SPAG16: variants seen among roughly 807,000 people sequenced by gnomAD.
SPAG16 encodes the protein sperm-associated antigen 16 protein.
Under a neutral mutation model 80.4 loss-of-function variants are expected in SPAG16, and 86 were observed. The ratio of observed to expected loss-of-function variants is 1.07; its 90% CI spans 0.90 to 1.28. The LOEUF (loss-of-function observed/expected upper bound fraction) is 1.28. Among genes scored for constraint, SPAG16 ranks in the 50% most tolerant of loss-of-function variants. The pLI is 0.00. For synonymous variants in SPAG16, 294 were observed against 265.9 expected (o/e 1.11, Z -1.03); for missense variants, 870 against 765.3 (o/e 1.14, Z -1.61).
intron 5 of SPAG16, among the ~76,000 whole-genome samples, chr2:213,321,205 T>C (rs1439230284): frequency 2.0e-5 from 3 of 152,110 alleles, no homozygotes; most frequent in South Asian, 4.1e-4. Flanking sequence ...ATTATACTAA[T>C]AGCATTTAGT....
At chr2:214,077,323 A>ATTCTTCTACAGGCAGGCTTCATTTG (rs2051129777) in intron 13 of SPAG16, among the ~76,000 whole-genome samples, 2 of 152,144 alleles carry the variant, frequency 1.3e-5, no homozygotes, top group East Asian at 3.9e-4. Context: ...TATCTTCTTT[A>ATTCTTCTACAGGCAGGCTTCATTTG]TTCTTCTACA....
intron 15 of SPAG16, among the ~76,000 whole-genome samples, chr2:214,402,166 A>C (rs1701746821): frequency 6.6e-6 from 1 of 152,048 alleles, no homozygotes; most frequent in South Asian, 2.1e-4. Flanking sequence ...TATTTCTGTC[A>C]ACATTATTTA....
intron 15 of SPAG16, among the ~76,000 whole-genome samples, chr2:214,326,806 G>A (rs1030777229): frequency 1.3e-5 from 2 of 151,846 alleles, no homozygotes; most frequent in African/African-American, 4.8e-5. Context: ...TTACCCGGGC[G>A]TGGTGGCGGG....
intron 10 of SPAG16, among the ~76,000 whole-genome samples, chr2:213,542,508 T>G (rs982463549): frequency 1.3e-5 from 2 of 152,150 alleles, no homozygotes; most frequent in African/African-American, 4.8e-5. Context: ...AGTAAGCCAT[T>G]GCATTACCAC....
At chr2:213,763,228 CA>C (rs35301802) in intron 10 of SPAG16, among the ~76,000 whole-genome samples, 44,322 of 151,790 alleles carry the variant, frequency 0.29, 6,516 homozygotes, top group Middle Eastern at 0.41. Flanking sequence ...GGAGGTTCCT[CA>C]AAAAAATCAA....
Position 214,129,746 on chromosome 2 carries a change from G to C in SPAG16, c.1594-19394G>C, listed in dbSNP as rs530211924. Among the ~76,000 whole-genome samples the C allele has an allele frequency of 7.9e-5, 12 of 151,956 alleles. No homozygotes were observed. The South Asian group carries it at 2.5e-3, about 32-fold the overall frequency. On this transcript the variant is annotated intron_variant, in intron 14 of 15. Transcript: ENST00000331683. ...TCTATTCCATGGAATACTTTGATCT[G>C]GACAACTTTTATATTATCTTTCAGA...
intron 10 of SPAG16, among the ~76,000 whole-genome samples, chr2:213,675,768 A>C (rs1229725795): frequency 8.9e-4 from 136 of 152,168 alleles, no homozygotes; most frequent in Middle Eastern, 3.4e-3. Flanking sequence ...TACCAGTACC[A>C]TGCTGTTTTG....
intron 10 of SPAG16, among the ~76,000 whole-genome samples, chr2:213,713,472 A>G (rs1006571282): frequency 1.3e-5 from 2 of 152,206 alleles, no homozygotes; most frequent in Non-Finnish European, 2.9e-5. Context: ...ACTTCTTAGG[A>G]ATAACAAATG....
At chr2:214,262,048 T>C (rs1243473363) in intron 15 of SPAG16, among the ~76,000 whole-genome samples, 1 of 152,160 alleles carries the variant, frequency 6.6e-6, no homozygotes, top group East Asian at 1.9e-4. Flanking sequence ...ATCTAAATAT[T>C]AGACATTTAC....
rs184348053 is a variant in SPAG16 at position 214,084,934 on chromosome 2, T to C, written c.1528-23262T>C. Among the ~76,000 whole-genome samples the C allele has an allele frequency of 2.5e-3, 387 of 152,294 alleles. 2 individuals are homozygous for C. The highest frequency in any genetic ancestry group is 6.8e-3 in the Middle Eastern group (2 of 294). On this transcript the variant is annotated intron_variant, in intron 13 of 15. Coordinates refer to ENST00000331683, the MANE Select transcript of SPAG16 (RefSeq NM_024532.5). ...AGAAGACTGACAAGTAAACAAAGTA[T>C]GTGGTAAGTGCTGTTTTAGAGGTAG...
At chr2:213,820,562 T>C (rs964255933) in intron 10 of SPAG16, among the ~76,000 whole-genome samples, 2 of 152,130 alleles carry the variant, frequency 1.3e-5, no homozygotes, top group African/African-American at 4.8e-5. Context: ...GAGAATGAAG[T>C]GTGAAAAACT....
In SPAG16 at chr2:213,715,738, C is replaced by T. The variant is rs563371964; in HGVS notation, c.1071-146747C>T. Among the ~76,000 whole-genome samples the T allele has an allele frequency of 8.5e-5, 13 of 152,262 alleles. No individual in the cohort carries two copies. The South Asian group carries it at 2.7e-3, about 32-fold the overall frequency. On this transcript the variant is annotated intron_variant, in intron 10 of 15. Transcript: ENST00000331683. ...TATGGCTTTTTGAGGTTAATTTCTG[C>T]ATGTCACAAAGCACACTGTTTTCCT... is the stretch of plus-strand genomic sequence containing the variant.
chr2:213,695,814 G>T (rs1005949931), intron 10 of SPAG16, among the ~76,000 whole-genome samples: 5 of 152,158 alleles, frequency 3.3e-5, no homozygotes, highest in African/African-American at 1.2e-4. Flanking sequence ...GGGTAATAGT[G>T]GGAGATGAGA....
At chr2:214,286,975 G>A (rs1371772195) in intron 15 of SPAG16, among the ~76,000 whole-genome samples, 2 of 152,098 alleles carry the variant, frequency 1.3e-5, no homozygotes, top group African/African-American at 4.8e-5. Context: ...TACTGAATTA[G>A]CTGTGAATTA....
chr2:214,262,142 A>G (rs1249191701), intron 15 of SPAG16, among the ~76,000 whole-genome samples: 1 of 152,026 alleles, frequency 6.6e-6, no homozygotes, highest in Admixed American at 6.6e-5. Flanking sequence ...GTCACTTTCC[A>G]TGTTTAAAAT....
In SPAG16 at chr2:213,497,554, G is replaced by A. The variant is rs778681690; in HGVS notation, c.1070+7464G>A. On this transcript the variant is annotated intron_variant, in intron 10 of 15. Coordinates refer to ENST00000331683, the MANE Select transcript of SPAG16 (RefSeq NM_024532.5). ...TTCAATTCCAGTGTTTCATAGACTC[G>A]GTGATAGACCGACAGTTGCCCTCCT... Among the ~76,000 whole-genome samples the A allele has an allele frequency of 5.9e-5, 9 of 151,628 alleles. No homozygotes were observed. The South Asian group carries it at 1.2e-3, about 21-fold the overall frequency.
intron 10 of SPAG16, among the ~76,000 whole-genome samples, chr2:213,601,006 A>G (rs1190134584): frequency 6.6e-6 from 1 of 152,206 alleles, no homozygotes; most frequent in Non-Finnish European, 1.5e-5. Flanking sequence ...TCTTAGGGGA[A>G]AGTGAGATGG....
intron 13 of SPAG16, among the ~76,000 whole-genome samples, chr2:214,087,274 C>A (rs2051833902): frequency 6.6e-6 from 1 of 152,050 alleles, no homozygotes; most frequent in Non-Finnish European, 1.5e-5. Context: ...AATGTACAGA[C>A]ACACATATAG....
chr2:213,429,262 C>G (rs1429082591), intron 9 of SPAG16, among the ~76,000 whole-genome samples: 2 of 152,082 alleles, frequency 1.3e-5, no homozygotes. Flanking sequence ...GCCCGTTGCT[C>G]CTGAATTCCC....
Sources: gnomAD v4.1 joint callset for allele counts (sites outside exome capture counted in the v4.1 genomes callset) on GRCh38, gnomAD v4.1.1 for gene constraint, MANE v1.5 for transcripts, NCBI Gene and HGNC (gene_info 2026-07-23, HGNC 2026-07-21) for gene names.